Variants in AP5S1 observed in about 807,000 individuals in gnomAD.
AP5S1 encodes AP-5 complex subunit sigma-1.
In AP5S1, 13 loss-of-function variants were observed where a neutral mutation model predicts 13.9. The ratio of observed to expected loss-of-function variants is 0.94; its 90% CI spans 0.61 to 1.49. The LOEUF is 1.49. AP5S1 is among the 40% of genes most tolerant of loss of function. AP5S1 has a pLI of 0.00. For missense variants in AP5S1, 292 were observed against 272.3 expected (o/e 1.07, Z -0.51); for synonymous variants, 132 against 121.8 (o/e 1.08, Z -0.55).
intron 1 of AP5S1, chr20:3,820,986 C>T (rs1272440994): frequency 2.6e-5 from 4 of 152,286 alleles, no homozygotes; most frequent in Non-Finnish European, 4.4e-5. Context: ...GCCTTTCAAC[C>T]CCCGGGCCGG....
At position 3,825,391 on chromosome 20, in the gene AP5S1, G is replaced by C. The variant is rs6133064; in HGVS notation, c.*1094G>C. ...CCCAAAGCTGCGTGTCTGAGCTTTC[G>C]TGGTCAAGGATCCCCCTAGGAGGCT... On this transcript the variant is annotated 3_prime_UTR_variant, in exon 3 of 3. Coordinates refer to ENST00000615891, the MANE Select transcript of AP5S1 (RefSeq NM_018347.3). 1 of 152,204 alleles carries C rather than the reference G, an allele frequency of 6.6e-6. No homozygotes were observed. The highest frequency in any genetic ancestry group is 2.1e-4 in the South Asian group (1 of 4,830). 9.4% of individuals were successfully genotyped at this position (152,204 alleles called of 1,614,324 possible). A position where few individuals can be genotyped will look rare whatever the true frequency, so the allele number is the denominator to read the frequency against.
rs754537686 is a variant in AP5S1 at position 3,824,053 on chromosome 20, T to C, written c.359T>C (p.Leu120Ser). 1 of 1,613,916 alleles carries C rather than the reference T, an allele frequency of 6.2e-7. No individual in the cohort carries two copies. Among genetic ancestry groups the C allele is most frequent in the Non-Finnish European group, 8.5e-7 (1 of 1,180,008 alleles). Residue 120 changes from leucine to serine, a missense_variant, in exon 3 of 3, where the codon TTA becomes TCA. Leu to Ser is a moderately radical substitution (Grantham distance 145). Coordinates refer to ENST00000615891, the MANE Select transcript of AP5S1 (RefSeq NM_018347.3). The part of the protein sequence containing the change: ...RTVVWLGVLS[L>S]GFALVLDAHE... ...GTGGTGTGGCTGGGCGTGCTCTCGT[T>C]AGGCTTTGCCCTGGTGCTGGATGCC... is the stretch of plus-strand genomic sequence containing the variant.
In AP5S1 at chr20:3,827,022, A is replaced by G. The variant is rs1228915509; in HGVS notation, c.*2725A>G. ...GTGAAGGAGCCAGGATTTAGAACTA[A>G]AAGTGAGATGGCTATGGAAGCAAAC... On this transcript the variant is annotated 3_prime_UTR_variant, in exon 3 of 3. Transcript: ENST00000615891. 3.9e-5 allele frequency: 6 copies of G among 152,200 alleles called. No homozygotes were observed. The highest frequency in any genetic ancestry group is 1.4e-4 in the African/African-American group (6 of 41,444). 9.4% of individuals were successfully genotyped at this position (152,200 alleles called of 1,614,324 possible). A position where few individuals can be genotyped will look rare whatever the true frequency, so the allele number is the denominator to read the frequency against.
At chr20:3,822,015 A>G (rs1283183113) in intron 1 of AP5S1, 87 bp from the exon 2 acceptor site, 16 of 1,494,504 alleles carry the variant, frequency 1.1e-5, no homozygotes, top group African/African-American at 1.4e-5. Context: ...ATACACTCCC[A>G]GACACTGCCA....
At position 3,823,891 on chromosome 20, in the gene AP5S1, G is replaced by A. The variant is rs184260219; in HGVS notation, c.197G>A (p.Arg66Gln). The change falls in exon 3 of 3, where the codon CGG becomes CAG. Residue 66 changes from arginine (R) to glutamine (Q), a missense_variant. Arg to Gln is a conservative substitution (Grantham distance 43). Coordinates refer to ENST00000615891, the MANE Select transcript of AP5S1 (RefSeq NM_018347.3). ...AVARQVESMC[R>Q]LQQQASGRPP... ...CCCAGGCAGGTAGAGTCAATGTGTC[G>A]GCTGCAGCAGCAGGCATCTGGCCGG... 1.2e-5 allele frequency: 19 copies of A among 1,601,064 alleles called. No homozygotes were observed. In the African/African-American group the frequency reaches 1.5e-4, roughly 12 times the overall value.
rs145059408 is a variant in AP5S1, at chr20:3,826,026, C to T, written c.*1729C>T. Reference sequence around the variant, plus strand: ...ATTGATTTTCATGATCTTCCTGTTACCAAGGAAGGTGAGGCTTTCTTGGCA... The same window carrying T: ...ATTGATTTTCATGATCTTCCTGTTATCAAGGAAGGTGAGGCTTTCTTGGCA... On this transcript the variant is annotated 3_prime_UTR_variant, in exon 3 of 3. Coordinates refer to ENST00000615891, the MANE Select transcript of AP5S1 (RefSeq NM_018347.3). The T allele has an allele frequency of 6.6e-6, 1 of 152,090 alleles. No individual in the cohort carries two copies. Among genetic ancestry groups the T allele is most frequent in the East Asian group, 1.9e-4 (1 of 5,174 alleles). 9.4% of individuals were successfully genotyped at this position (152,090 alleles called of 1,614,324 possible). A position where few individuals can be genotyped will look rare whatever the true frequency, so the allele number is the denominator to read the frequency against.
At position 3,825,416 on chromosome 20, in the gene AP5S1, T is replaced by C. The variant is rs987874459; in HGVS notation, c.*1119T>C. Reference sequence around the variant, plus strand: ...GTGGTCAAGGATCCCCCTAGGAGGCTTCTTGGGATGCCTCCATCTCTCATC... The same window carrying C: ...GTGGTCAAGGATCCCCCTAGGAGGCCTCTTGGGATGCCTCCATCTCTCATC... On this transcript the variant is annotated 3_prime_UTR_variant, in exon 3 of 3. Coordinates refer to ENST00000615891, the MANE Select transcript of AP5S1 (RefSeq NM_018347.3). The C allele has an allele frequency of 6.6e-6, 1 of 152,262 alleles. No individual in the cohort carries two copies. Among genetic ancestry groups the C allele is most frequent in the Non-Finnish European group, 1.5e-5 (1 of 68,070 alleles). 9.4% of individuals were successfully genotyped at this position (152,262 alleles called of 1,614,324 possible). A position where few individuals can be genotyped will look rare whatever the true frequency, so the allele number is the denominator to read the frequency against.
At position 3,823,901 on chromosome 20, in the gene AP5S1, G is replaced by A; in HGVS notation, c.207G>A (p.Gln69=). ...TAGAGTCAATGTGTCGGCTGCAGCA[G>A]CAGGCATCTGGCCGGCCCCCCATGG... ...RQVESMCRLQ[Q]QASGRPPMDL... is the part of the protein sequence containing the mutation. The change falls in exon 3 of 3, where the codon CAG becomes CAA. Residue 69 remains glutamine (Q), a synonymous_variant. Transcript: ENST00000615891. 1 of 1,602,098 alleles carries A rather than the reference G, an allele frequency of 6.2e-7. No individual in the cohort carries two copies. Among genetic ancestry groups the A allele is most frequent in the Non-Finnish European group, 8.5e-7 (1 of 1,179,136 alleles).
rs529766647 is a variant in AP5S1, at chr20:3,826,629, G to A, written c.*2332G>A. On this transcript the variant is annotated 3_prime_UTR_variant, in exon 3 of 3. Coordinates refer to ENST00000615891, the MANE Select transcript of AP5S1 (RefSeq NM_018347.3). ...GGGCAAACTGATGGACAAGAGAATA[G>A]TAGAGACTGAGACCACACCGTGGGG... is the stretch of plus-strand genomic sequence containing the variant. 1 of 152,356 alleles carries A rather than the reference G, an allele frequency of 6.6e-6. No homozygotes were observed. The highest frequency in any genetic ancestry group is 2.4e-5 in the African/African-American group (1 of 41,564). The allele number at this position is 152,356 out of a possible 1,614,324, so 9.4% of individuals were successfully genotyped here. A position where few individuals can be genotyped will look rare whatever the true frequency, so the allele number is the denominator to read the frequency against.
intron 2 of AP5S1, among the ~76,000 whole-genome samples, chr20:3,822,954 C>A (rs1312300771): frequency 6.6e-6 from 1 of 152,288 alleles, no homozygotes; most frequent in African/African-American, 2.4e-5. Flanking sequence ...GCCTCCTGGA[C>A]CTCCGCATTC....
rs572166981 is a variant in AP5S1, at chr20:3,825,812, T to C, written c.*1515T>C. On this transcript the variant is annotated 3_prime_UTR_variant, in exon 3 of 3. Transcript: ENST00000615891. ...CAGGGTGCATACATTCCCTGGCTCT[T>C]TCTGCCCCTGAGAAAAAGCCTTCAG... 6.6e-6 allele frequency: 1 copy of C among 151,854 alleles called. No individual in the cohort carries two copies. Among genetic ancestry groups the C allele is most frequent in the Non-Finnish European group, 1.5e-5 (1 of 67,976 alleles). The allele number at this position is 151,854 out of a possible 1,614,324, so 9.4% of individuals were successfully genotyped here.
At position 3,822,094 on chromosome 20, in the gene AP5S1, C is replaced by T; in HGVS notation, c.-16-8C>T. The T allele has an allele frequency of 6.2e-7, 1 of 1,608,016 alleles. No homozygotes were observed. The highest frequency in any genetic ancestry group is 1.1e-5 in the South Asian group (1 of 90,892). On this transcript the variant is annotated splice_region_variant and splice_polypyrimidine_tract_variant and intron_variant, in intron 1 of 2. Coordinates refer to ENST00000615891, the MANE Select transcript of AP5S1 (RefSeq NM_018347.3). Reference sequence around the variant, plus strand: ...CTCACCTTACCAATGTCTCTGGCTTCCCTGTAGCACCCACCCTGGAGCCAT... The same window carrying T: ...CTCACCTTACCAATGTCTCTGGCTTTCCTGTAGCACCCACCCTGGAGCCAT...
At chr20:3,823,137 T>A (rs1465800388) in intron 2 of AP5S1, among the ~76,000 whole-genome samples, 1 of 152,246 alleles carries the variant, frequency 6.6e-6, no homozygotes, top group Non-Finnish European at 1.5e-5. Flanking sequence ...AGGGAGCTTC[T>A]AAGAAGCCTT....
intron 1 of AP5S1, among the ~76,000 whole-genome samples, chr20:3,821,465 G>A (rs1789298023): frequency 6.6e-6 from 1 of 151,866 alleles, no homozygotes; most frequent in African/African-American, 2.4e-5. Context: ...CTCCCCTCCC[G>A]GGTTCAAGCG....
At chr20:3,821,905 A>C (rs981036697) in intron 1 of AP5S1, 197 bp from the exon 2 acceptor site, 2 of 928,274 alleles carry the variant, frequency 2.2e-6, no homozygotes, top group Non-Finnish European at 2.5e-6. Flanking sequence ...GTTTATGCCT[A>C]TTCTGCTTAT....
rs1170334855 is a variant in AP5S1 at position 3,825,887 on chromosome 20, T to C, written c.*1590T>C. 1 of 145,674 alleles carries C rather than the reference T, an allele frequency of 6.9e-6. No homozygotes were observed. The highest frequency in any genetic ancestry group is 2.6e-5 in the African/African-American group (1 of 38,846). The allele number at this position is 145,674 out of a possible 1,614,324, so 9.0% of individuals were successfully genotyped here. On this transcript the variant is annotated 3_prime_UTR_variant, in exon 3 of 3. Transcript: ENST00000615891. ...CACCATGTTGAGTCCCAAAGGGATA[T>C]GGGTGGGGTACCAAAAGTCGGTGGT... is the stretch of plus-strand genomic sequence containing the variant.
intron 2 of AP5S1, chr20:3,823,462 A>G (rs1398030393): frequency 1.2e-6 from 1 of 802,726 alleles, no homozygotes; most frequent in Non-Finnish European, 1.5e-6. Flanking sequence ...TATGTTAGCC[A>G]GGATGGTCTC....
At position 3,826,538 on chromosome 20, in the gene AP5S1, C is replaced by G. The variant is rs564921224; in HGVS notation, c.*2241C>G. The G allele has an allele frequency of 3.3e-5, 5 of 152,354 alleles. No individual in the cohort carries two copies. Among genetic ancestry groups the G allele is most frequent in the Admixed American group, 3.3e-4 (5 of 15,292 alleles). The allele number at this position is 152,354 out of a possible 1,614,324, so 9.4% of individuals were successfully genotyped here. A position where few individuals can be genotyped will look rare whatever the true frequency, so the allele number is the denominator to read the frequency against. On this transcript the variant is annotated 3_prime_UTR_variant, in exon 3 of 3. Transcript: ENST00000615891. ...GGAACTTAAGGAAGAGGTTGAGACT[C>G]TGCTCCCCTGGGAGCTGTGGGAAGT... is the stretch of plus-strand genomic sequence containing the variant.
In AP5S1 at chr20:3,826,681, T is replaced by C. The variant is rs1323350889; in HGVS notation, c.*2384T>C. On this transcript the variant is annotated 3_prime_UTR_variant, in exon 3 of 3. Coordinates refer to ENST00000615891, the MANE Select transcript of AP5S1 (RefSeq NM_018347.3). ...TGCTGAGCTCCAGTTCCTGTCCAGC[T>C]GGACCAGGGTTTTCTTAACCAGATG... The C allele has an allele frequency of 6.6e-6, 1 of 152,232 alleles. No homozygotes were observed. The highest frequency in any genetic ancestry group is 1.9e-4 in the East Asian group (1 of 5,200). The allele number at this position is 152,232 out of a possible 1,614,324, so 9.4% of individuals were successfully genotyped here. A position where few individuals can be genotyped will look rare whatever the true frequency, so the allele number is the denominator to read the frequency against.
Sources: gnomAD v4.1 joint callset for allele counts (sites outside exome capture counted in the v4.1 genomes callset) on GRCh38, gnomAD v4.1.1 for gene constraint, MANE v1.5 for transcripts, NCBI Gene and HGNC (gene_info 2026-07-23, HGNC 2026-07-21) for gene names.